The following WDFY2 variants were observed in gnomAD, a reference collection of about 807,000 sequenced individuals.
The protein encoded by WDFY2 is WD repeat and FYVE domain-containing protein 2.
A neutral mutation model predicts 56.4 loss-of-function variants in WDFY2; 36 were observed. The ratio of observed to expected loss-of-function variants is 0.64; its 90% CI spans 0.49 to 0.84. The LOEUF is 0.84. WDFY2 is among the 40% of genes least tolerant of loss of function. WDFY2 has a pLI of 0.00. For synonymous variants in WDFY2, 176 were observed against 183.7 expected (o/e 0.96, Z 0.34); for missense variants, 444 against 512.2 (o/e 0.87, Z 1.29).
At chr13:51,585,820 A>C (rs1333870020) in intron 1 of WDFY2, among the ~76,000 whole-genome samples, 1 of 152,206 alleles carries the variant, frequency 6.6e-6, no homozygotes, top group African/African-American at 2.4e-5. Flanking sequence ...TGGTGACTCA[A>C]AATTGAGAGG....
chr13:51,701,738 T>C (rs190568204), intron 3 of WDFY2, among the ~76,000 whole-genome samples: 1 of 152,286 alleles, frequency 6.6e-6, no homozygotes, highest in East Asian at 1.9e-4. Context: ...TTGAAAGGAA[T>C]TGAGGTATCT....
chr13:51,643,528 C>T (rs1456440311), intron 1 of WDFY2, among the ~76,000 whole-genome samples: 1 of 152,142 alleles, frequency 6.6e-6, no homozygotes, highest in Non-Finnish European at 1.5e-5. Context: ...GATATCATCC[C>T]GATTTCTCCT....
At chr13:51,606,495 AATC>A (rs1233128688) in intron 1 of WDFY2, among the ~76,000 whole-genome samples, 1 of 152,204 alleles carries the variant, frequency 6.6e-6, no homozygotes, top group East Asian at 1.9e-4. Context: ...CTATTATAAT[AATC>A]CAGAACTTGG....
rs574213137 is a variant in WDFY2, at chr13:51,652,855, A to G, written c.138-7741A>G. 1.3e-3 allele frequency among the ~76,000 whole-genome samples: 199 copies of G among 151,910 alleles called. 1 individual carries two copies. Among genetic ancestry groups the G allele is most frequent in the African/African-American group, 4.4e-3 (183 of 41,400 alleles). ...CCTTAACATTTTTTCCTTCATTTCA[A>G]CTTTGGTGAATCTGATAATTATGTG... On this transcript the variant is annotated intron_variant, in intron 1 of 11. Coordinates refer to ENST00000298125, the MANE Select transcript of WDFY2 (RefSeq NM_052950.4).
intron 3 of WDFY2, among the ~76,000 whole-genome samples, chr13:51,681,946 CAT>C (rs1955983776): frequency 6.6e-6 from 1 of 152,160 alleles, no homozygotes; most frequent in South Asian, 2.1e-4. Flanking sequence ...TCAGTACCTA[CAT>C]GTTATCTAAA....
chr13:51,700,568 T>C (rs1463714526), intron 3 of WDFY2, among the ~76,000 whole-genome samples: 1 of 152,242 alleles, frequency 6.6e-6, no homozygotes, highest in African/African-American at 2.4e-5. Context: ...CGGACTTTTA[T>C]TTTATAGAAA....
intron 1 of WDFY2, among the ~76,000 whole-genome samples, chr13:51,651,513 G>T (rs1331539921): frequency 6.6e-6 from 1 of 152,176 alleles, no homozygotes; most frequent in South Asian, 2.1e-4. Context: ...ATGTTAGGGT[G>T]TCAATTTTAG....
chr13:51,696,890 T>C (rs1031920901), intron 3 of WDFY2, among the ~76,000 whole-genome samples: 1 of 152,174 alleles, frequency 6.6e-6, no homozygotes, highest in African/African-American at 2.4e-5. Flanking sequence ...TTAAATACAG[T>C]TTTTTAAAAG....
chr13:51,762,515 T>C lies in WDFY2; in HGVS notation c.*2746T>C, dbSNP rs1029863177. The C allele has an allele frequency of 6.6e-6, 1 of 152,254 alleles. No individual in the cohort carries two copies. Among genetic ancestry groups the C allele is most frequent in the Admixed American group, 6.5e-5 (1 of 15,286 alleles). The allele number at this position is 152,254 out of a possible 1,614,324, so 9.4% of individuals were successfully genotyped here. ...GGTGAAATGCGTTTAGCAAACCAACTGTGTGTTTGTAATACTGTGAATTCT... is the reference window on the plus strand; with the variant it reads ...GGTGAAATGCGTTTAGCAAACCAACCGTGTGTTTGTAATACTGTGAATTCT... On this transcript the variant is annotated 3_prime_UTR_variant, in exon 12 of 12. Transcript: ENST00000298125.
intron 7 of WDFY2, among the ~76,000 whole-genome samples, chr13:51,745,562 G>T (rs1381410892): frequency 1.3e-5 from 2 of 151,976 alleles, no homozygotes; most frequent in East Asian, 3.8e-4. Flanking sequence ...ACTAAAAGGT[G>T]TAGTCCCCTG....
intron 8 of WDFY2, chr13:51,752,744 T>C (rs1953265790): frequency 6.6e-6 from 1 of 152,252 alleles, no homozygotes; most frequent in Non-Finnish European, 1.5e-5. Context: ...ATTGACTAAT[T>C]TAAAATCTTA....
At chr13:51,714,818 G>A (rs1050249783) in intron 4 of WDFY2, among the ~76,000 whole-genome samples, 5 of 152,202 alleles carry the variant, frequency 3.3e-5, no homozygotes, top group Admixed American at 1.3e-4. Context: ...TTGTGTGAAT[G>A]TGAGAGAATG....
intron 3 of WDFY2, among the ~76,000 whole-genome samples, chr13:51,685,863 C>G (rs1956054368): frequency 6.6e-6 from 1 of 152,120 alleles, no homozygotes. Context: ...TTTCCAATAC[C>G]TAGTAGAGAG....
At chr13:51,717,730 AG>A (rs1593445916) in intron 4 of WDFY2, among the ~76,000 whole-genome samples, 4 of 152,208 alleles carry the variant, frequency 2.6e-5, no homozygotes, top group Admixed American at 2.0e-4. Context: ...CACATCTTTT[AG>A]TTAAAGCCTG....
rs533539034 is a variant in WDFY2 at position 51,601,905 on chromosome 13, C to T, written c.137+17081C>T. Among the ~76,000 whole-genome samples, 24 of 152,302 alleles carry T rather than the reference C, an allele frequency of 1.6e-4. No homozygotes were observed. The South Asian group carries it at 3.3e-3, about 21-fold the overall frequency. On this transcript the variant is annotated intron_variant, in intron 1 of 11. Coordinates refer to ENST00000298125, the MANE Select transcript of WDFY2 (RefSeq NM_052950.4). ...TTTTTCAGAGGAAAAGCTAGCAAGT[C>T]AGCTAGCCAATCAACAAATGACAAT... is the stretch of plus-strand genomic sequence containing the variant.
chr13:51,629,286 T>C (rs1489252480), intron 1 of WDFY2, among the ~76,000 whole-genome samples: 6 of 152,236 alleles, frequency 3.9e-5, no homozygotes, highest in African/African-American at 1.4e-4. Context: ...GATTTAGGAA[T>C]GCAGATGGTT....
Position 51,751,219 on chromosome 13 carries a change from T to C in WDFY2, c.726-91T>C, listed in dbSNP as rs372787883. On this transcript the variant is annotated intron_variant, in intron 7 of 11. Transcript: ENST00000298125. Reference sequence around the variant, plus strand: ...ATCTACACTGGGGGCTCGGAGTGAGTGAGCACATTGGCTGACTTTGCCAAG... The same window carrying C: ...ATCTACACTGGGGGCTCGGAGTGAGCGAGCACATTGGCTGACTTTGCCAAG... The C allele has an allele frequency of 1.7e-3, 2,082 of 1,212,198 alleles. 8 individuals carry two copies. Among genetic ancestry groups the C allele is most frequent in the South Asian group, 4.3e-3 (296 of 69,234 alleles). The allele number at this position is 1,212,198 out of a possible 1,614,324, so 75.1% of individuals were successfully genotyped here.
At chr13:51,719,398 T>C in intron 5 of WDFY2, 50 bp downstream of exon 5, 1 of 1,507,988 alleles carries the variant, frequency 6.6e-7, no homozygotes, top group Non-Finnish European at 8.9e-7. Context: ...ACTGTTGTTC[T>C]CTTTGATTCA....
chr13:51,716,679 C>T (rs1307853493), intron 4 of WDFY2, among the ~76,000 whole-genome samples: 16 of 113,108 alleles, frequency 1.4e-4, no homozygotes, highest in South Asian at 3.2e-4. Flanking sequence ...GGCGACAGAG[C>T]GAGACTCCGT....
Sources: allele counts gnomAD v4.1 joint callset (sites outside exome capture counted in the v4.1 genomes callset), GRCh38; gene constraint gnomAD v4.1.1; transcripts MANE v1.5; gene names NCBI Gene and HGNC (gene_info 2026-07-23, HGNC 2026-07-21).